The following ADPRM variants were observed in gnomAD, a reference collection of about 807,000 sequenced individuals.
ADPRM encodes manganese-dependent ADP-ribose/CDP-alcohol diphosphatase.
ADPRM carries 17 observed loss-of-function variants against 27.2 expected under a neutral mutation model. That is an observed-to-expected ratio of 0.63 (90% CI 0.43 to 0.94). The LOEUF is 0.94. Among genes scored for constraint, ADPRM ranks in the 40% least tolerant of loss-of-function variants. The pLI is 0.00. For missense variants in ADPRM, 337 were observed against 412.8 expected, an observed-to-expected ratio of 0.82 and a Z score of 1.59; for synonymous variants, 135 against 145.3, an observed-to-expected ratio of 0.93 and a Z score of 0.51.
chr17:10,700,861 G>T (rs2074772197), intron 1 of ADPRM, among the ~76,000 whole-genome samples: 1 of 152,018 alleles, frequency 6.6e-6, no homozygotes, highest in Admixed American at 6.6e-5. Flanking sequence ...AATTTTGAGA[G>T]CAACTCTTGT....
At chr17:10,707,052 G>GT (rs1255901755) in intron 3 of ADPRM, among the ~76,000 whole-genome samples, 5 of 151,848 alleles carry the variant, frequency 3.3e-5, no homozygotes, top group African/African-American at 4.8e-5. Context: ...TTTGTTTTTT[G>GT]TTTTTTGAAC....
intron 1 of ADPRM, among the ~76,000 whole-genome samples, chr17:10,700,232 C>CT (rs1412103494): frequency 1.3e-5 from 2 of 152,230 alleles, no homozygotes; most frequent in African/African-American, 4.8e-5. Context: ...AAATCATACT[C>CT]TTTTCAGGGT....
chr17:10,697,713 C>A (rs2074743422), intron 1 of ADPRM, 46 bp downstream of exon 1: 1 of 681,928 alleles, frequency 1.5e-6, no homozygotes, highest in South Asian at 1.8e-5. Flanking sequence ...GCGGGCTGGG[C>A]GGTGCTGCGG....
chr17:10,710,697 C>G (rs1168596454), intron 3 of ADPRM, 137 bp from the exon 4 acceptor site: 2 of 735,008 alleles, frequency 2.7e-6, no homozygotes, highest in South Asian at 3.9e-5. Flanking sequence ...TGTGTGAATT[C>G]TCTCTGGTCT....
chr17:10,705,154 C>T lies in ADPRM; in HGVS notation c.228C>T (p.Ile76=), dbSNP rs926304936. 7 of 1,613,902 alleles carry T rather than the reference C, an allele frequency of 4.3e-6. No individual in the cohort carries two copies. Among genetic ancestry groups the T allele is most frequent in the Middle Eastern group, 3.3e-4 (2 of 6,084 alleles). Reference sequence around the variant, plus strand: ...GTGTCCTTCAGCTTGGAGATATCATCGATGGATATAATGCACAGTATAATG... The same window carrying T: ...GTGTCCTTCAGCTTGGAGATATCATTGATGGATATAATGCACAGTATAATG... ...PCCVLQLGDI[I]DGYNAQYNAS... is the part of the protein sequence containing the mutation. Residue 76 remains isoleucine, a synonymous_variant, in exon 2 of 4, where the codon ATC becomes ATT. Transcript: ENST00000379774. The surrounding 1 kb of genome is among the most constrained non-coding windows in gnomAD (Gnocchi z 5.4).
chr17:10,708,663 G>C (rs1014350404), intron 3 of ADPRM, among the ~76,000 whole-genome samples: 1 of 152,106 alleles, frequency 6.6e-6, no homozygotes, highest in Non-Finnish European at 1.5e-5. Context: ...ACACCTTTTG[G>C]CTCTATAATA....
At chr17:10,707,262 C>G (rs925065725) in intron 3 of ADPRM, among the ~76,000 whole-genome samples, 20 of 152,120 alleles carry the variant, frequency 1.3e-4, no homozygotes, top group Non-Finnish European at 2.9e-5. Context: ...GTAGTTCCAG[C>G]CACTTGGGAG....
intron 1 of ADPRM, among the ~76,000 whole-genome samples, chr17:10,704,038 A>G (rs1046643868): frequency 6.6e-6 from 1 of 152,194 alleles, no homozygotes; most frequent in East Asian, 1.9e-4. Flanking sequence ...AGAAAAAAAA[A>G]TCCTGGTTCA....
intron 1 of ADPRM, among the ~76,000 whole-genome samples, chr17:10,701,523 G>T (rs1301641257): frequency 6.6e-6 from 1 of 152,050 alleles, no homozygotes; most frequent in Non-Finnish European, 1.5e-5. Context: ...TAGAGATGGG[G>T]TTTCACCATG....
chr17:10,700,143 G>A (rs1285550453), intron 1 of ADPRM, among the ~76,000 whole-genome samples: 3 of 152,158 alleles, frequency 2.0e-5, no homozygotes, highest in African/African-American at 7.2e-5. Context: ...TGTTACAATA[G>A]TTTCTCCTAA....
Position 10,704,174 on chromosome 17 carries a change from T to TCAAAAA in ADPRM, c.-17-722_-17-717dup, listed in dbSNP as rs557770971. ...GCCTGGGCAACATAGTGAGACCCTG[T>TCAAAAA]CAAAAACAAAAACAAAAACCACAAA... On this transcript the variant is annotated intron_variant, in intron 1 of 3. Transcript: ENST00000379774. Among the ~76,000 whole-genome samples, 142 of 151,792 alleles carry TCAAAAA rather than the reference T, an allele frequency of 9.4e-4. 1 individual carries two copies. In the East Asian group the frequency reaches 0.022, roughly 24 times the overall value.
intron 1 of ADPRM, among the ~76,000 whole-genome samples, chr17:10,703,065 AACCTTAATGGTTAATATC>A (rs1337869104): frequency 6.6e-6 from 1 of 152,196 alleles, no homozygotes; most frequent in African/African-American, 2.4e-5. Flanking sequence ...TGGTTAATAT[AACCTTAATGGTTAATATC>A]ACCAAGGTTA....
chr17:10,710,571 G>T (rs573087085), intron 3 of ADPRM, among the ~76,000 whole-genome samples: 1 of 152,152 alleles, frequency 6.6e-6, no homozygotes, highest in Non-Finnish European at 1.5e-5. Flanking sequence ...TTGAGATGAC[G>T]TAGGCCTCAG....
intron 3 of ADPRM, among the ~76,000 whole-genome samples, chr17:10,709,905 A>C (rs1057425178): frequency 1.3e-5 from 2 of 152,016 alleles, no homozygotes; most frequent in African/African-American, 4.8e-5. Context: ...ACTTCTCCTA[A>C]CTCTACTTCC....
intron 1 of ADPRM, among the ~76,000 whole-genome samples, chr17:10,703,624 C>T (rs1198237971): frequency 6.6e-6 from 1 of 152,098 alleles, no homozygotes; most frequent in African/African-American, 2.4e-5. Flanking sequence ...TAGGAGTACT[C>T]TTAGAGTTGG....
chr17:10,710,437 A>G (rs569196149), intron 3 of ADPRM, among the ~76,000 whole-genome samples: 1 of 152,208 alleles, frequency 6.6e-6, no homozygotes, highest in African/African-American at 2.4e-5. Flanking sequence ...TTCTGTGTAT[A>G]TAACATTCAT....
intron 1 of ADPRM, among the ~76,000 whole-genome samples, chr17:10,701,100 A>G (rs2074773958): frequency 6.6e-6 from 1 of 152,202 alleles, no homozygotes; most frequent in East Asian, 1.9e-4. Flanking sequence ...GAGGACTATA[A>G]TTCAGTTCTG....
chr17:10,707,565 C>T (rs1386000669), intron 3 of ADPRM, among the ~76,000 whole-genome samples: 1 of 152,236 alleles, frequency 6.6e-6, no homozygotes, highest in East Asian at 1.9e-4. Context: ...CCCTGAGTTT[C>T]ATAAACTCTA....
rs912970939 is a variant in ADPRM, at chr17:10,711,500, G to A, written c.*356G>A. ...ACTTCAAGTTCAGCATATAAGCTCA[G>A]GTAAGCTTTTTCTATTCACCCTGCT... On this transcript the variant is annotated 3_prime_UTR_variant, in exon 4 of 4. Transcript: ENST00000379774. Among the ~76,000 whole-genome samples the A allele has an allele frequency of 2.6e-5, 4 of 152,164 alleles. No homozygotes were observed. Among genetic ancestry groups the A allele is most frequent in the African/African-American group, 9.7e-5 (4 of 41,434 alleles).
Sources: gnomAD v4.1 joint callset for allele counts (sites outside exome capture counted in the v4.1 genomes callset) on GRCh38, gnomAD v4.1.1 for gene constraint, Gnocchi (gnomAD v3.1) non-coding constraint, MANE v1.5 for transcripts, NCBI Gene and HGNC (gene_info 2026-07-23, HGNC 2026-07-21) for gene names.